Variants in FREM1 observed in about 807,000 individuals in gnomAD.
The protein encoded by FREM1 is FRAS1 related extracellular matrix 1.
FREM1 carries 220 observed loss-of-function variants against 210.1 expected under a neutral mutation model. The ratio of observed to expected loss-of-function variants is 1.05; its 90% CI spans 0.94 to 1.17. FREM1 has a LOEUF of 1.17. FREM1 is among the 50% of genes most tolerant of loss of function. The pLI, the probability that FREM1 is intolerant of heterozygous loss-of-function variation, is 0.00. For synonymous variants in FREM1, 1,189 were observed against 980.2 expected, an observed-to-expected ratio of 1.21 and a Z score of -3.98; for missense variants, 3,454 against 2,675.5, an observed-to-expected ratio of 1.29 and a Z score of -6.42.
intron 10 of FREM1, among the ~76,000 whole-genome samples, chr9:14,840,056 C>G (rs7044886): frequency 0.032 from 4,924 of 152,260 alleles, 226 homozygotes; most frequent in African/African-American, 0.091. Flanking sequence ...TACCTATTGC[C>G]TTCCATTTCT....
At chr9:14,804,228 C>G (rs193262161) in intron 19 of FREM1, among the ~76,000 whole-genome samples, 33 of 152,136 alleles carry the variant, frequency 2.2e-4, no homozygotes, top group African/African-American at 8.0e-4. Context: ...TCTGCTTGCC[C>G]GTAACACACA....
chr9:14,867,732 G>A lies in FREM1; in HGVS notation c.234+1012C>T, dbSNP rs145715532. Among the ~76,000 whole-genome samples, 1,286 of 152,252 alleles carry A rather than the reference G, an allele frequency of 8.4e-3. 18 individuals are homozygous for A. Among genetic ancestry groups the A allele is most frequent in the African/African-American group, 0.028 (1,169 of 41,550 alleles). On this transcript the variant is annotated intron_variant, in intron 2 of 36. Coordinates refer to ENST00000380880, the MANE Select transcript of FREM1 (RefSeq NM_001379081.2). ...AAAAGGAAATAAAGTTCATAGTTCAGCAAAAGAGAATGGTCCATTTTTCCA... is the reference window on the plus strand; with the variant it reads ...AAAAGGAAATAAAGTTCATAGTTCAACAAAAGAGAATGGTCCATTTTTCCA...
intron 20 of FREM1, among the ~76,000 whole-genome samples, chr9:14,799,721 A>G (rs1262724867): frequency 1.3e-5 from 2 of 152,206 alleles, no homozygotes; most frequent in African/African-American, 4.8e-5. Context: ...ATTTGGTAAT[A>G]TCATCATTTA....
At chr9:14,796,790 C>T (rs1377946166) in intron 21 of FREM1, among the ~76,000 whole-genome samples, 1 of 152,178 alleles carries the variant, frequency 6.6e-6, no homozygotes, top group African/African-American at 2.4e-5. Context: ...TTGTAAGTTT[C>T]CTGAGTCCTC....
At chr9:14,818,479 T>A (rs369797962) in intron 14 of FREM1, among the ~76,000 whole-genome samples, 1 of 152,350 alleles carries the variant, frequency 6.6e-6, no homozygotes, top group East Asian at 1.9e-4. Flanking sequence ...TCATACTTTA[T>A]CTAAAGGGCT....
chr9:14,745,550 T>C (rs1317786895), intron 35 of FREM1, among the ~76,000 whole-genome samples: 2 of 152,214 alleles, frequency 1.3e-5, no homozygotes, highest in African/African-American at 4.8e-5. Context: ...TGAGAACAGC[T>C]TTTTCTGAAT....
intron 10 of FREM1, among the ~76,000 whole-genome samples, chr9:14,840,830 T>C (rs1398178359): frequency 6.6e-6 from 1 of 152,264 alleles, no homozygotes; most frequent in African/African-American, 2.4e-5. Flanking sequence ...AATTTCTATA[T>C]GGCAATGTTT....
intron 10 of FREM1, among the ~76,000 whole-genome samples, chr9:14,838,415 C>G (rs114757973): frequency 6.6e-6 from 1 of 151,962 alleles, no homozygotes; most frequent in Admixed American, 6.6e-5. Context: ...TCAAACAGAC[C>G]AGGTAATCAT....
chr9:14,781,957 G>A lies in FREM1; in HGVS notation c.4442+2413C>T, dbSNP rs542809467. Reference sequence around the variant, plus strand: ...TGACCTCAGGTGATCCACCTGCCTCGTCCTCCTAAAGTGCTGGGATTACAG... The same window carrying A: ...TGACCTCAGGTGATCCACCTGCCTCATCCTCCTAAAGTGCTGGGATTACAG... On this transcript the variant is annotated intron_variant, in intron 24 of 36. Coordinates refer to ENST00000380880, the MANE Select transcript of FREM1 (RefSeq NM_001379081.2). Among the ~76,000 whole-genome samples, 4 of 152,270 alleles carry A rather than the reference G, an allele frequency of 2.6e-5. No homozygotes were observed. In the South Asian group the frequency reaches 6.2e-4, roughly 24 times the overall value.
At chr9:14,770,147 T>C (rs1847264950) in intron 26 of FREM1, among the ~76,000 whole-genome samples, 1 of 152,160 alleles carries the variant, frequency 6.6e-6, no homozygotes, top group Admixed American at 6.6e-5. Context: ...TGTAACTTGG[T>C]GCCATCCTGT....
At chr9:14,875,713 G>C (rs993244839) in intron 1 of FREM1, among the ~76,000 whole-genome samples, 2 of 152,172 alleles carry the variant, frequency 1.3e-5, no homozygotes, top group African/African-American at 4.8e-5. Context: ...TTCCGTTGCT[G>C]GTGAGGAACT....
At chr9:14,848,286 T>C (rs912932695) in intron 7 of FREM1, among the ~76,000 whole-genome samples, 1 of 152,232 alleles carries the variant, frequency 6.6e-6, no homozygotes, top group African/African-American at 2.4e-5. Flanking sequence ...AACATAAAAA[T>C]AGACTATAGA....
intron 35 of FREM1, among the ~76,000 whole-genome samples, chr9:14,740,590 C>T (rs899968154): frequency 3.9e-5 from 6 of 152,174 alleles, no homozygotes; most frequent in Admixed American, 1.3e-4. Context: ...AAGTGTATTT[C>T]TAGCTGGTAT....
rs1459143357 is a variant in FREM1, at chr9:14,860,802, TATATAC to T, written c.330-1324_330-1319del. 3.6e-3 allele frequency among the ~76,000 whole-genome samples: 422 copies of T among 118,680 alleles called. 13 individuals are homozygous for T. The highest frequency in any genetic ancestry group is 4.8e-3 in the Non-Finnish European group (282 of 58,882). 77.9% of individuals were successfully genotyped at this position (118,680 alleles called of 152,430 possible). On this transcript the variant is annotated intron_variant, in intron 3 of 36. Transcript: ENST00000380880. ...ATATACATATATACATATATACACATATATACATATATACACATATATACATATATA... is the reference window on the plus strand; with the variant it reads ...ATATACATATATACATATATACACATATATATACACATATATACATATATA...
At chr9:14,903,996 C>T (rs1478951755) in intron 1 of FREM1, among the ~76,000 whole-genome samples, 1 of 151,664 alleles carries the variant, frequency 6.6e-6, no homozygotes, top group Non-Finnish European at 1.5e-5. Context: ...GTGGCAGGCG[C>T]CTGTAGTCCC....
At chr9:14,829,142 T>C (rs868640601) in intron 10 of FREM1, among the ~76,000 whole-genome samples, 3 of 152,184 alleles carry the variant, frequency 2.0e-5, no homozygotes, top group Non-Finnish European at 1.5e-5. Flanking sequence ...AGGCACTTTA[T>C]TAATGTTTGC....
At chr9:14,796,013 G>C (rs1031753828) in intron 21 of FREM1, among the ~76,000 whole-genome samples, 2 of 152,084 alleles carry the variant, frequency 1.3e-5, no homozygotes. Context: ...CAACATATTA[G>C]CTAAGAAATA....
intron 21 of FREM1, among the ~76,000 whole-genome samples, chr9:14,795,963 CTTCATATT>C (rs1852294910): frequency 6.6e-6 from 1 of 152,066 alleles, no homozygotes; most frequent in South Asian, 2.1e-4. Flanking sequence ...CTATGACAGC[CTTCATATT>C]TTCATATTTA....
At chr9:14,756,971 T>C (rs12348146) in intron 28 of FREM1, among the ~76,000 whole-genome samples, 45,958 of 151,954 alleles carry the variant, frequency 0.3, 7,086 homozygotes, top group East Asian at 0.42. Flanking sequence ...CATTTTCCTG[T>C]CTGGATGAAG....
Sources: gnomAD v4.1 joint callset for allele counts (sites outside exome capture counted in the v4.1 genomes callset) on GRCh38, gnomAD v4.1.1 for gene constraint, MANE v1.5 for transcripts, NCBI Gene and HGNC (gene_info 2026-07-23, HGNC 2026-07-21) for gene names.